The following AFF3 variants were observed in gnomAD, a reference collection of about 807,000 sequenced individuals.
The protein encoded by AFF3 is AF4/FMR2 family member 3.
Under a neutral mutation model 129.7 loss-of-function variants are expected in AFF3, and 32 were observed. The ratio of observed to expected loss-of-function variants is 0.25; its 90% CI spans 0.19 to 0.33. The LOEUF is 0.33. AFF3 is among the 10% of genes least tolerant of loss of function. AFF3 has a pLI of 1.00. For synonymous variants in AFF3, 644 were observed against 635.4 expected (o/e 1.01, Z -0.20); for missense variants, 1,373 against 1,592.0 (o/e 0.86, Z 2.34).
intron 12 of AFF3, among the ~76,000 whole-genome samples, chr2:99,672,260 G>T (rs1426794960): frequency 6.8e-6 from 1 of 148,042 alleles, no homozygotes; most frequent in African/African-American, 2.5e-5. Context: ...AAAAAAAAAG[G>T]CTCTGTCTAC....
intron 7 of AFF3, among the ~76,000 whole-genome samples, chr2:99,893,294 G>A (rs535662426): frequency 1.3e-5 from 2 of 152,332 alleles, no homozygotes; most frequent in African/African-American, 4.8e-5. Flanking sequence ...GTATTTCACA[G>A]AGTGTGCTAC....
intron 9 of AFF3, among the ~76,000 whole-genome samples, chr2:99,749,107 C>A (rs768187018): frequency 6.6e-6 from 1 of 152,024 alleles, no homozygotes; most frequent in Non-Finnish European, 1.5e-5. Context: ...GAGGGTAGAT[C>A]TTTAGAAATT....
intron 13 of AFF3, among the ~76,000 whole-genome samples, chr2:99,638,617 G>C (rs1229313125): frequency 2.6e-5 from 4 of 152,186 alleles, no homozygotes; most frequent in Non-Finnish European, 5.9e-5. Context: ...TAGCAGAGAA[G>C]GAAAGGACGC....
rs532851673 is a variant in AFF3, at chr2:99,816,055, T to A, written c.921+21422A>T. 1.0e-3 allele frequency among the ~76,000 whole-genome samples: 153 copies of A among 151,472 alleles called. 2 individuals are homozygous for A. Among genetic ancestry groups the A allele is most frequent in the African/African-American group, 3.4e-3 (141 of 41,440 alleles). On this transcript the variant is annotated intron_variant, in intron 8 of 24. Transcript: ENST00000672756. ...ATGATCTGTTCTTTTTTTTTTTTTT[T>A]AAATCTCATTGCATTTCAGTTTGGG...
chr2:99,580,974 C>G (rs1341810064), intron 17 of AFF3, among the ~76,000 whole-genome samples: 1 of 152,206 alleles, frequency 6.6e-6, no homozygotes, highest in African/African-American at 2.4e-5. Context: ...GTTATAAGAG[C>G]TCCTAGTTCT....
chr2:99,600,358 G>A (rs1679701690), intron 14 of AFF3, among the ~76,000 whole-genome samples: 1 of 152,190 alleles, frequency 6.6e-6, no homozygotes, highest in South Asian at 2.1e-4. Context: ...CCTGAAAGAA[G>A]TAGGGAGGGG....
intron 8 of AFF3, among the ~76,000 whole-genome samples, chr2:99,806,159 G>A (rs879855918): frequency 2.6e-5 from 4 of 152,242 alleles, no homozygotes; most frequent in African/African-American, 4.8e-5. Context: ...TGTCAGATCC[G>A]ATCAACTTGG....
chr2:99,564,023 G>GTTTT (rs2104610167), intron 20 of AFF3, among the ~76,000 whole-genome samples: 1 of 152,178 alleles, frequency 6.6e-6, no homozygotes, highest in Non-Finnish European at 1.5e-5. Flanking sequence ...GGCTGGCATG[G>GTTTT]TTTTTTGTTT....
In AFF3 at chr2:99,593,855, G is replaced by T; in HGVS notation, c.1806C>A (p.Cys602Ter). 6.3e-7 allele frequency: 1 copy of T among 1,586,466 alleles called. No homozygotes were observed. ...ERTSAGDGAN[C>*]HRPEEPAAAD... ...CGGCCGCGGGCTCCTCGGGCCGGTG[G>T]CAGTTGGCGCCGTCCCCGGCTGAGG... The change falls in exon 15 of 25, where the codon TGC becomes TGA. Residue 602 changes from cysteine to a stop codon, truncating the protein, a stop_gained. Transcript: ENST00000672756. LOFTEE classifies it high-confidence loss of function.
intron 12 of AFF3, among the ~76,000 whole-genome samples, chr2:99,655,135 G>A (rs895141718): frequency 7.3e-6 from 1 of 137,824 alleles, no homozygotes; most frequent in East Asian, 2.2e-4. Context: ...ACTGGACTTG[G>A]CTTAGGTGGC....
chr2:100,114,553 G>T (rs1159101831), intron 2 of AFF3, among the ~76,000 whole-genome samples: 9 of 152,082 alleles, frequency 5.9e-5, no homozygotes, highest in African/African-American at 2.2e-4. Context: ...GGCTAATTTT[G>T]ATATTTTTAG....
intron 12 of AFF3, among the ~76,000 whole-genome samples, chr2:99,670,774 G>A (rs1367579328): frequency 6.6e-6 from 1 of 151,978 alleles, no homozygotes; most frequent in Non-Finnish European, 1.5e-5. Context: ...GTCTTAATTA[G>A]GAAAAAGGGA....
intron 2 of AFF3, chr2:100,107,360 C>G: frequency 2.0e-6 from 2 of 985,344 alleles, no homozygotes; most frequent in Non-Finnish European, 2.4e-6. Flanking sequence ...AAAACAAGCA[C>G]TTAATCTAGT....
chr2:99,750,119 C>T (rs1681506393), intron 9 of AFF3, among the ~76,000 whole-genome samples: 1 of 152,068 alleles, frequency 6.6e-6, no homozygotes, highest in Non-Finnish European at 1.5e-5. Context: ...AAACACTTTG[C>T]TAGTGTAAAA....
Position 99,548,561 on chromosome 2 carries a change from A to AC in AFF3, c.*2912dup, listed in dbSNP as rs1395997418. 5.1e-6 allele frequency: 1 copy of AC among 197,064 alleles called. No homozygotes were observed. The highest frequency in any genetic ancestry group is 8.0e-5 in the East Asian group (1 of 12,520). 12.2% of individuals were successfully genotyped at this position (197,064 alleles called of 1,614,324 possible). On this transcript the variant is annotated 3_prime_UTR_variant, in exon 25 of 25. Coordinates refer to ENST00000672756, the MANE Select transcript of AFF3 (RefSeq NM_001386135.1). ...AGACCAGCCTGGGCAACATAGTGAGACCCCCATCTCTACAAAAAAAATAAA... is the reference window on the plus strand; with the variant it reads ...AGACCAGCCTGGGCAACATAGTGAGACCCCCCATCTCTACAAAAAAAATAAA...
intron 11 of AFF3, among the ~76,000 whole-genome samples, chr2:99,673,713 C>T (rs1687370664): frequency 6.6e-6 from 1 of 152,148 alleles, no homozygotes; most frequent in Non-Finnish European, 1.5e-5. Flanking sequence ...TAAAATGTAC[C>T]TAGTGTCCTT....
At chr2:99,725,430 A>G (rs1288304489) in intron 11 of AFF3, among the ~76,000 whole-genome samples, 1 of 152,086 alleles carries the variant, frequency 6.6e-6, no homozygotes, top group Non-Finnish European at 1.5e-5. Context: ...CCTGGGTTTA[A>G]GCTATTCTTG....
rs542163154 is a variant in AFF3 at position 99,582,279 on chromosome 2, T to C, written c.2793+519A>G. 1.5e-4 allele frequency among the ~76,000 whole-genome samples: 23 copies of C among 152,248 alleles called. No homozygotes were observed. In the South Asian group the frequency reaches 3.3e-3, roughly 22 times the overall value. On this transcript the variant is annotated intron_variant, in intron 17 of 24. Transcript: ENST00000672756. Reference sequence around the variant, plus strand: ...ACTGCAGCTAAGAGGTGAGGTCAGATTGTGAACCCAAGTCCCCTGCTCTTC... The same window carrying C: ...ACTGCAGCTAAGAGGTGAGGTCAGACTGTGAACCCAAGTCCCCTGCTCTTC...
At position 99,547,620 on chromosome 2, in the gene AFF3, G is replaced by A. The variant is rs1306269856; in HGVS notation, c.*3854C>T. On this transcript the variant is annotated 3_prime_UTR_variant, in exon 25 of 25. Transcript: ENST00000672756. The stretch of plus-strand genomic sequence containing the variant: ...AAAGATGTGATTCATAAATAATGTT[G>A]GCTGCACTGATTAATTTTATAACAA... 1 of 207,184 alleles carries A rather than the reference G, an allele frequency of 4.8e-6. No individual in the cohort carries two copies. The highest frequency in any genetic ancestry group is 2.3e-5 in the African/African-American group (1 of 43,728). The allele number at this position is 207,184 out of a possible 1,614,324, so 12.8% of individuals were successfully genotyped here.
Sources: gnomAD v4.1 joint callset for allele counts (sites outside exome capture counted in the v4.1 genomes callset) on GRCh38, gnomAD v4.1.1 for gene constraint, MANE v1.5 for transcripts, NCBI Gene and HGNC (gene_info 2026-07-23, HGNC 2026-07-21) for gene names.